The following GTF3C1 variants were observed in gnomAD, a reference collection of about 807,000 sequenced individuals.
GTF3C1 encodes the protein general transcription factor 3C polypeptide 1.
GTF3C1 carries 57 observed loss-of-function variants against 226.7 expected under a neutral mutation model. The observed-to-expected ratio is 0.25, with a 90% CI of 0.20 to 0.31. The LOEUF is 0.31. Among genes scored for constraint, GTF3C1 ranks in the 10% least tolerant of loss-of-function variants. The pLI, the probability that GTF3C1 is intolerant of heterozygous loss-of-function variation, is 1.00. For synonymous variants in GTF3C1, 1,090 were observed against 1,084.8 expected (o/e 1.00, Z -0.09); for missense variants, 2,217 against 2,776.1 (o/e 0.80, Z 4.53).
chr16:27,463,411 C>T lies in GTF3C1; in HGVS notation c.5924+130G>A, dbSNP rs372690943. On this transcript the variant is annotated intron_variant, in intron 35 of 36. Coordinates refer to ENST00000356183, the MANE Select transcript of GTF3C1 (RefSeq NM_001520.4). The surrounding 1 kb of genome is among the most constrained non-coding windows in gnomAD (Gnocchi z 4.9). ...CCCCTCCAAGTACCCCTGCCAAGAA[C>T]CAAGGTGCCGGGCAGGCTGTCAGAG... 52 of 691,494 alleles carry T rather than the reference C, an allele frequency of 7.5e-5. No homozygotes were observed. The African/African-American group carries it at 8.2e-4, about 11-fold the overall frequency. The allele number at this position is 691,494 out of a possible 1,614,324, so 42.8% of individuals were successfully genotyped here.
chr16:27,485,081 C>T (rs988446092), intron 24 of GTF3C1, among the ~76,000 whole-genome samples: 8 of 152,252 alleles, frequency 5.3e-5, no homozygotes, highest in East Asian at 1.9e-4. Flanking sequence ...CAACATGTCA[C>T]CTTTCAGGTT....
Position 27,528,659 on chromosome 16 carries a change from C to G in GTF3C1, c.912G>C (p.Lys304Asn). 1.2e-6 allele frequency: 2 copies of G among 1,612,740 alleles called. No individual in the cohort carries two copies. The highest frequency in any genetic ancestry group is 1.7e-6 in the Non-Finnish European group (2 of 1,178,726). ...TCTCTTGCAAGCGAAGAGACACCAC[C>G]TTGGCTAGCCCGGCGTTCAGCATAT... ...YQYMLNAGLAKVVSLRLQEIH... is the reference protein window; with the variant it reads ...YQYMLNAGLANVVSLRLQEIH... Residue 304 changes from lysine to asparagine, a missense_variant, in exon 6 of 37, where the codon AAG becomes AAC. By Grantham distance (94) the Lys-to-Asn change is moderately conservative. Transcript: ENST00000356183.
At chr16:27,464,161 C>T in intron 34 of GTF3C1, 159 bp downstream of exon 34, 1 of 474,342 alleles carries the variant, frequency 2.1e-6, no homozygotes, top group Non-Finnish European at 3.6e-6. Flanking sequence ...AGGCAGTATC[C>T]TCCCCCTCAG....
intron 6 of GTF3C1, among the ~76,000 whole-genome samples, chr16:27,523,053 A>C (rs1171010094): frequency 6.6e-6 from 1 of 152,138 alleles, no homozygotes; most frequent in African/African-American, 2.4e-5. Flanking sequence ...GACAACCTGA[A>C]AAACCTAGCC....
At chr16:27,537,727 C>A in intron 4 of GTF3C1, 57 bp downstream of exon 4, 2 of 1,299,556 alleles carry the variant, frequency 1.5e-6, no homozygotes, top group Non-Finnish European at 1.1e-6. Flanking sequence ...ATTTTTAAAG[C>A]ATACTACACA....
chr16:27,521,550 C>T (rs921573343), intron 6 of GTF3C1, among the ~76,000 whole-genome samples: 1 of 152,254 alleles, frequency 6.6e-6, no homozygotes, highest in Non-Finnish European at 1.5e-5. Context: ...GAGGCCAGTT[C>T]CTGGCAAAGG....
At chr16:27,484,808 T>C (rs1242127661) in intron 24 of GTF3C1, among the ~76,000 whole-genome samples, 1 of 152,226 alleles carries the variant, frequency 6.6e-6, no homozygotes, top group Non-Finnish European at 1.5e-5. Flanking sequence ...CAGGAGAACA[T>C]CTTGGTCAAT....
intron 14 of GTF3C1, among the ~76,000 whole-genome samples, chr16:27,497,322 G>A (rs1241198974): frequency 6.6e-6 from 1 of 152,230 alleles, no homozygotes; most frequent in Admixed American, 6.5e-5. Flanking sequence ...TCTGTAGTTT[G>A]TAGAATGTTC....
intron 26 of GTF3C1, among the ~76,000 whole-genome samples, chr16:27,482,790 C>A (rs1187565226): frequency 6.6e-6 from 1 of 152,214 alleles, no homozygotes; most frequent in Non-Finnish European, 1.5e-5. Flanking sequence ...ATTTTCTTAA[C>A]AAAACAGGCC....
chr16:27,488,690 C>A, intron 21 of GTF3C1, 55 bp from the exon 22 acceptor site: 1 of 1,423,964 alleles, frequency 7.0e-7, no homozygotes, highest in South Asian at 1.2e-5. Context: ...AATCCCCAGC[C>A]GCCCAGAGTA....
At position 27,471,641 on chromosome 16, in the gene GTF3C1, TC is replaced by T. The variant is rs1401027368; in HGVS notation, c.4526+106del. The T allele has an allele frequency of 4.2e-5, 36 of 865,382 alleles. No homozygotes were observed. Among genetic ancestry groups the T allele is most frequent in the South Asian group, 9.5e-5 (6 of 62,944 alleles). The allele number at this position is 865,382 out of a possible 1,614,324, so 53.6% of individuals were successfully genotyped here. ...CATCTTGCACATGAGGCTGCGAAGG[TC>T]CCTGGCTCCTACACGCTTTCATGGC... is the stretch of plus-strand genomic sequence containing the variant. On this transcript the variant is annotated intron_variant, in intron 30 of 36. Coordinates refer to ENST00000356183, the MANE Select transcript of GTF3C1 (RefSeq NM_001520.4). The surrounding 1 kb of genome is among the most constrained non-coding windows in gnomAD (Gnocchi z 5.0).
chr16:27,547,874 C>A (rs947951515), intron 1 of GTF3C1, among the ~76,000 whole-genome samples: 10 of 152,126 alleles, frequency 6.6e-5, no homozygotes, highest in African/African-American at 2.4e-4. Context: ...ATCCGCCCAC[C>A]TCTGCCTCTC....
chr16:27,464,684 G>C lies in GTF3C1; in HGVS notation c.5508C>G (p.Pro1836=). 1 of 1,587,304 alleles carries C rather than the reference G, an allele frequency of 6.3e-7. No individual in the cohort carries two copies. Among genetic ancestry groups the C allele is most frequent in the Non-Finnish European group, 8.5e-7 (1 of 1,172,106 alleles). The change falls in exon 34 of 37, where the codon CCC becomes CCG. Residue 1836 remains proline, a synonymous_variant. Coordinates refer to ENST00000356183, the MANE Select transcript of GTF3C1 (RefSeq NM_001520.4). ...TGTCCTCACTGGAAGACCCCTCCAG[G>C]GGTCTGGCCTGGGGGTCTTCTCTCT... is the stretch of plus-strand genomic sequence containing the variant. ...DIQREDPQAR[P]LEGSSSEDSP... is the part of the protein sequence containing the mutation.
At chr16:27,473,490 A>G (rs1187418926) in intron 29 of GTF3C1, among the ~76,000 whole-genome samples, 1 of 152,206 alleles carries the variant, frequency 6.6e-6, no homozygotes, top group Non-Finnish European at 1.5e-5. Flanking sequence ...AATCCCTGTC[A>G]TGGTCTAAGG....
At chr16:27,467,301 C>T (rs1234596233) in intron 32 of GTF3C1, among the ~76,000 whole-genome samples, 1 of 152,200 alleles carries the variant, frequency 6.6e-6, no homozygotes, top group Non-Finnish European at 1.5e-5. Context: ...ATCTATTCTG[C>T]CTGTGCTCTA....
rs116634588 is a variant in GTF3C1 at position 27,514,266 on chromosome 16, G to A, written c.974-2365C>T. ...CTGCTGGCTCCCCGCCGGGGCTCCT[G>A]CCGTCCCTCTTGGCTCTGCCCTGTG... is the stretch of plus-strand genomic sequence containing the variant. On this transcript the variant is annotated intron_variant, in intron 6 of 36. Transcript: ENST00000356183. Among the ~76,000 whole-genome samples the A allele has an allele frequency of 6.7e-3, 1,013 of 152,320 alleles. 15 individuals carry two copies. The highest frequency in any genetic ancestry group is 0.023 in the African/African-American group (971 of 41,568).
intron 6 of GTF3C1, among the ~76,000 whole-genome samples, chr16:27,518,268 T>C (rs1226057601): frequency 2.0e-5 from 3 of 150,554 alleles, no homozygotes; most frequent in African/African-American, 4.9e-5. Context: ...GGAGGTGGGG[T>C]TGCTGCAGCA....
At chr16:27,495,111 G>T in intron 15 of GTF3C1, 100 bp downstream of exon 15, 1 of 957,240 alleles carries the variant, frequency 1.0e-6, no homozygotes, top group Non-Finnish European at 1.6e-6. Flanking sequence ...ATCAGAGGCT[G>T]CAGCCAGTTT....
At chr16:27,476,324 G>GA in intron 29 of GTF3C1, 127 bp downstream of exon 29, 1 of 611,540 alleles carries the variant, frequency 1.6e-6, no homozygotes, top group Admixed American at 3.1e-5. Flanking sequence ...TGAAAGACAT[G>GA]TGGGCTGGCA....
Sources: gnomAD v4.1 joint callset for allele counts (sites outside exome capture counted in the v4.1 genomes callset) on GRCh38, gnomAD v4.1.1 for gene constraint, Gnocchi (gnomAD v3.1) non-coding constraint, MANE v1.5 for transcripts, NCBI Gene and HGNC (gene_info 2026-07-23, HGNC 2026-07-21) for gene names.